The following UBE3C variants were observed in gnomAD, a reference collection of about 807,000 sequenced individuals.
UBE3C encodes the protein ubiquitin-protein ligase E3C.
UBE3C carries 42 observed loss-of-function variants against 129.4 expected under a neutral mutation model. That is an observed-to-expected ratio of 0.32 (90% CI 0.25 to 0.42). The LOEUF (loss-of-function observed/expected upper bound fraction) is 0.42, where lower values mean the gene tolerates loss of function less well. Ranked by LOEUF, UBE3C falls within the 10% of genes least tolerant of loss-of-function variation. The probability of loss-of-function intolerance (pLI) is 1.00; values close to 1 mark genes in which losing one functional copy is unlikely to be tolerated. For synonymous variants in UBE3C, 510 were observed against 492.4 expected, an observed-to-expected ratio of 1.04 and a Z score of -0.47; for missense variants, 1,049 against 1,319.1, an observed-to-expected ratio of 0.80 and a Z score of 3.17.
rs551763590 is a variant in UBE3C at position 157,139,178 on chromosome 7, C to A, written c.-95C>A. 2.2e-6 allele frequency: 2 copies of A among 910,744 alleles called. No homozygotes were observed. Among genetic ancestry groups the A allele is most frequent in the African/African-American group, 3.6e-5 (2 of 56,062 alleles). The allele number at this position is 910,744 out of a possible 1,614,324, so 56.4% of individuals were successfully genotyped here. ...CGCGTCCTCGCTGCCCCGGGCCGGG[C>A]GGGCGGGCGCCGAGAGCCTCCCAGC... On this transcript the variant is annotated 5_prime_UTR_variant, in exon 1 of 23. Coordinates refer to ENST00000348165, the MANE Select transcript of UBE3C (RefSeq NM_014671.3).
At chr7:157,208,032 C>T in intron 13 of UBE3C, 97 bp downstream of exon 13, 1 of 185,892 alleles carries the variant, frequency 5.4e-6, no homozygotes, top group Non-Finnish European at 9.5e-6. Flanking sequence ...AGGTTTGTTT[C>T]AGACATGTTT....
chr7:157,239,104 C>G (rs1489624521), intron 18 of UBE3C, among the ~76,000 whole-genome samples: 3 of 152,134 alleles, frequency 2.0e-5, no homozygotes, highest in African/African-American at 7.2e-5. Context: ...TGAAAATATC[C>G]ACATCATATC....
intron 17 of UBE3C, among the ~76,000 whole-genome samples, chr7:157,230,153 G>A (rs901259761): frequency 6.7e-6 from 1 of 149,814 alleles, no homozygotes; most frequent in African/African-American, 2.5e-5. Context: ...AAGGCGATCC[G>A]CCCACCTCAG....
In UBE3C at chr7:157,139,238, G is replaced by A. The variant is rs1158844191; in HGVS notation, c.-35G>A. 64 of 1,449,068 alleles carry A rather than the reference G, an allele frequency of 4.4e-5. No individual in the cohort carries two copies. The highest frequency in any genetic ancestry group is 5.8e-5 in the Non-Finnish European group (64 of 1,097,454). The allele number at this position is 1,449,068 out of a possible 1,614,324, so 89.8% of individuals were successfully genotyped here. On this transcript the variant is annotated 5_prime_UTR_variant, in exon 1 of 23. Transcript: ENST00000348165. Reference sequence around the variant, plus strand: ...GCCCCGCCCGCCCGGCTGCTTCCGCGGCGGCGCTGCCCGCACATGGGCTAG... The same window carrying A: ...GCCCCGCCCGCCCGGCTGCTTCCGCAGCGGCGCTGCCCGCACATGGGCTAG...
intron 18 of UBE3C, among the ~76,000 whole-genome samples, chr7:157,247,011 C>T (rs1390268816): frequency 6.6e-6 from 1 of 152,208 alleles, no homozygotes; most frequent in African/African-American, 2.4e-5. Context: ...CTGCCTCAGC[C>T]TCCCAAGTAG....
chr7:157,239,415 A>G (rs1180859275), intron 18 of UBE3C, among the ~76,000 whole-genome samples: 1 of 152,216 alleles, frequency 6.6e-6, no homozygotes, highest in Admixed American at 6.5e-5. Flanking sequence ...TTTGGAAGGC[A>G]GGATCCTGAT....
rs147561849 is a variant in UBE3C, at chr7:157,218,717, A to G, written c.1914+1746A>G. 1.1e-3 allele frequency among the ~76,000 whole-genome samples: 169 copies of G among 152,282 alleles called. 3 individuals carry two copies. The South Asian group carries it at 0.034, about 30-fold the overall frequency. ...CTCCAGGTCTGGGGAAGACCCTGCAAGATGGGTGTGGAGTGCTCTGTCATG... is the reference window on the plus strand; with the variant it reads ...CTCCAGGTCTGGGGAAGACCCTGCAGGATGGGTGTGGAGTGCTCTGTCATG... On this transcript the variant is annotated intron_variant, in intron 14 of 22. Coordinates refer to ENST00000348165, the MANE Select transcript of UBE3C (RefSeq NM_014671.3).
At chr7:157,158,688 G>A (rs750624764) in intron 1 of UBE3C, among the ~76,000 whole-genome samples, 13 of 152,190 alleles carry the variant, frequency 8.5e-5, no homozygotes, top group African/African-American at 2.4e-4. Flanking sequence ...AGAGACTGAT[G>A]AGCCCACTGA....
chr7:157,231,038 T>C (rs768399948), intron 17 of UBE3C, 42 bp from the exon 18 acceptor site: 3 of 1,605,120 alleles, frequency 1.9e-6, no homozygotes, highest in Non-Finnish European at 2.6e-6. Flanking sequence ...ATTGCTTGCT[T>C]GTAACATCTT....
At chr7:157,230,803 G>A (rs1349257749) in intron 17 of UBE3C, among the ~76,000 whole-genome samples, 1 of 151,928 alleles carries the variant, frequency 6.6e-6, no homozygotes, top group Non-Finnish European at 1.5e-5. Flanking sequence ...TGCAGGTTGA[G>A]GACAAGCTTG....
chr7:157,139,237 C>A lies in UBE3C; in HGVS notation c.-36C>A, dbSNP rs758905242. 3 of 1,446,484 alleles carry A rather than the reference C, an allele frequency of 2.1e-6. No individual in the cohort carries two copies. Among genetic ancestry groups the A allele is most frequent in the Admixed American group, 2.3e-5 (1 of 43,486 alleles). 89.6% of individuals were successfully genotyped at this position (1,446,484 alleles called of 1,614,324 possible). A position where few individuals can be genotyped will look rare whatever the true frequency, so the allele number is the denominator to read the frequency against. ...TGCCCCGCCCGCCCGGCTGCTTCCG[C>A]GGCGGCGCTGCCCGCACATGGGCTA... On this transcript the variant is annotated 5_prime_UTR_variant, in exon 1 of 23. Coordinates refer to ENST00000348165, the MANE Select transcript of UBE3C (RefSeq NM_014671.3).
chr7:157,201,296 C>T (rs1809273177), intron 10 of UBE3C, among the ~76,000 whole-genome samples: 1 of 151,922 alleles, frequency 6.6e-6, no homozygotes, highest in Non-Finnish European at 1.5e-5. Flanking sequence ...TGCACTCCAG[C>T]CTGGGCAACA....
Position 157,182,136 on chromosome 7 carries a change from G to T in UBE3C, c.799G>T (p.Glu267Ter), listed in dbSNP as rs1472430768. Residue 267 changes from glutamate to a stop codon, truncating the protein, a stop_gained, in exon 8 of 23, where the codon GAG becomes TAG. Coordinates refer to ENST00000348165, the MANE Select transcript of UBE3C (RefSeq NM_014671.3). LOFTEE classifies it high-confidence loss of function. ...RQQVFTAFTE[E>*]FLAAPFTDQI... The stretch of plus-strand genomic sequence containing the variant: ...ACAAGTTTTTACAGCCTTCACAGAG[G>T]AGTTTCTGGCAGCACCTTTTACAGA... 1 of 1,590,170 alleles carries T rather than the reference G, an allele frequency of 6.3e-7. No homozygotes were observed. The highest frequency in any genetic ancestry group is 8.5e-7 in the Non-Finnish European group (1 of 1,172,502).
chr7:157,207,578 T>C (rs1809468509), intron 12 of UBE3C, 23 bp downstream of exon 12: 1 of 1,605,018 alleles, frequency 6.2e-7, no homozygotes, highest in Non-Finnish European at 8.5e-7. Flanking sequence ...AGAAACCAGT[T>C]TGCTGCTGGC....
rs1451074117 is a variant in UBE3C, at chr7:157,184,049, T to C, written c.1143+20T>C. On this transcript the variant is annotated intron_variant, in intron 9 of 22. Coordinates refer to ENST00000348165, the MANE Select transcript of UBE3C (RefSeq NM_014671.3). ...AGCCCGGTAAGCCCCGTGCCCTGCATCTGGGGGGCTGCGATGCAGGCAGCC... is the reference window on the plus strand; with the variant it reads ...AGCCCGGTAAGCCCCGTGCCCTGCACCTGGGGGGCTGCGATGCAGGCAGCC... 2.5e-6 allele frequency: 4 copies of C among 1,609,606 alleles called. No homozygotes were observed. The highest frequency in any genetic ancestry group is 3.4e-5 in the Admixed American group (2 of 59,384).
chr7:157,180,061 A>G (rs1361192690), intron 6 of UBE3C, among the ~76,000 whole-genome samples: 2 of 152,230 alleles, frequency 1.3e-5, no homozygotes, highest in Non-Finnish European at 2.9e-5. Context: ...AGAAATATGC[A>G]TTATTTGAAA....
At chr7:157,192,989 T>A (rs1169971777) in intron 10 of UBE3C, among the ~76,000 whole-genome samples, 1 of 152,188 alleles carries the variant, frequency 6.6e-6, no homozygotes, top group South Asian at 2.1e-4. Context: ...ATCTTTTAAT[T>A]AAAGAAAATC....
intron 1 of UBE3C, among the ~76,000 whole-genome samples, chr7:157,152,127 G>A (rs1365930034): frequency 6.6e-6 from 1 of 152,138 alleles, no homozygotes; most frequent in East Asian, 1.9e-4. Context: ...TTCAGCTACA[G>A]GTTGTGGCCA....
chr7:157,206,186 A>T (rs1197339597), intron 11 of UBE3C, among the ~76,000 whole-genome samples: 1 of 152,238 alleles, frequency 6.6e-6, no homozygotes, highest in Non-Finnish European at 1.5e-5. Flanking sequence ...TAAGACAAGG[A>T]ACCAGACTTA....
Sources: allele counts gnomAD v4.1 joint callset (sites outside exome capture counted in the v4.1 genomes callset), GRCh38; gene constraint gnomAD v4.1.1; transcripts MANE v1.5; gene names NCBI Gene and HGNC (gene_info 2026-07-23, HGNC 2026-07-21).